The following GBF1 variants were observed in gnomAD, a reference collection of about 807,000 sequenced individuals.
GBF1 encodes golgi brefeldin A resistant guanine nucleotide exchange factor 1.
Under a neutral mutation model 210.5 loss-of-function variants are expected in GBF1, and 114 were observed. The observed-to-expected ratio is 0.54, with a 90% CI of 0.47 to 0.63. The LOEUF (loss-of-function observed/expected upper bound fraction) is 0.63, where lower values mean the gene tolerates loss of function less well. Among genes scored for constraint, GBF1 ranks in the 30% least tolerant of loss-of-function variants. The pLI is 0.00. For synonymous variants in GBF1, 850 were observed against 889.2 expected (o/e 0.96, Z 0.78); for missense variants, 1,851 against 2,357.7 (o/e 0.79, Z 4.45).
intron 3 of GBF1, among the ~76,000 whole-genome samples, chr10:102,305,438 C>T (rs1296539076): frequency 6.6e-6 from 1 of 151,878 alleles, no homozygotes; most frequent in East Asian, 1.9e-4. Flanking sequence ...CCTAGTGAAA[C>T]CCCATAGTGA....
rs769249418 is a variant in GBF1 at position 102,360,142 on chromosome 10, G to C, written c.1181-42G>C. The C allele has an allele frequency of 5.5e-6, 7 of 1,270,136 alleles. No homozygotes were observed. The South Asian group carries it at 7.1e-5, about 13-fold the overall frequency. The allele number at this position is 1,270,136 out of a possible 1,614,324, so 78.7% of individuals were successfully genotyped here. A position where few individuals can be genotyped will look rare whatever the true frequency, so the allele number is the denominator to read the frequency against. ...CAGGCTAGGCAAAGCCAGCAGACTA[G>C]TTGTTTTATAGCAGTCTCACTCTCC... On this transcript the variant is annotated intron_variant, in intron 11 of 39. Coordinates refer to ENST00000369983, the MANE Select transcript of GBF1 (RefSeq NM_001377137.1).
chr10:102,273,447 G>T (rs1343625570), intron 3 of GBF1, among the ~76,000 whole-genome samples: 1 of 152,208 alleles, frequency 6.6e-6, no homozygotes, highest in Non-Finnish European at 1.5e-5. Context: ...TATTTTCTGG[G>T]TTGTAGCGTA....
At chr10:102,335,200 A>G (rs192048715) in intron 3 of GBF1, among the ~76,000 whole-genome samples, 394 of 152,300 alleles carry the variant, frequency 2.6e-3, no homozygotes, top group Non-Finnish European at 4.3e-3. Context: ...GTTTTCTCCA[A>G]TGGGGGGTTA....
At chr10:102,269,222 C>G (rs1461318457) in intron 3 of GBF1, among the ~76,000 whole-genome samples, 1 of 152,222 alleles carries the variant, frequency 6.6e-6, no homozygotes, top group Non-Finnish European at 1.5e-5. Context: ...TTTCCTTGTT[C>G]CACGCTTATT....
At chr10:102,272,589 T>A (rs2074548702) in intron 3 of GBF1, among the ~76,000 whole-genome samples, 2 of 152,252 alleles carry the variant, frequency 1.3e-5, no homozygotes, top group Admixed American at 6.5e-5. Flanking sequence ...TGATTAATAT[T>A]TGACTGAATC....
At chr10:102,281,958 G>A (rs1404362824) in intron 3 of GBF1, among the ~76,000 whole-genome samples, 41 of 140,404 alleles carry the variant, frequency 2.9e-4, no homozygotes, top group African/African-American at 9.3e-4. Context: ...ACAGAGTCTC[G>A]CTCTGTCGCC....
chr10:102,281,957 C>T (rs1426664637), intron 3 of GBF1, among the ~76,000 whole-genome samples: 1 of 145,570 alleles, frequency 6.9e-6, no homozygotes, highest in Admixed American at 6.9e-5. Context: ...GACAGAGTCT[C>T]GCTCTGTCGC....
chr10:102,375,817 C>G (rs1389463752), intron 30 of GBF1, among the ~76,000 whole-genome samples: 1 of 151,964 alleles, frequency 6.6e-6, no homozygotes, highest in Non-Finnish European at 1.5e-5. Context: ...GTCCTGAGGA[C>G]TGATTTGTCC....
intron 3 of GBF1, among the ~76,000 whole-genome samples, chr10:102,329,740 G>C (rs917082216): frequency 9.2e-5 from 14 of 152,280 alleles, no homozygotes; most frequent in African/African-American, 3.1e-4. Flanking sequence ...TGGGATTACA[G>C]GTGTGAGCCA....
chr10:102,359,012 A>G (rs1487847026), intron 10 of GBF1: 3 of 587,706 alleles, frequency 5.1e-6, no homozygotes, highest in South Asian at 2.1e-5. Context: ...TAATGATCCA[A>G]ATCCTAAGCC....
In GBF1 at chr10:102,259,035, G is replaced by T; in HGVS notation, c.96+1G>T. On this transcript the variant is annotated splice_donor_variant, in intron 2 of 39. Coordinates refer to ENST00000369983, the MANE Select transcript of GBF1 (RefSeq NM_001377137.1). LOFTEE classifies it high-confidence loss of function. ...CCGATGGAGCACCCATACACCACTG[G>T]TAAGTGGGAAATGGATAAATAGCCT... is the stretch of plus-strand genomic sequence containing the variant. The T allele has an allele frequency of 1.3e-6, 2 of 1,491,788 alleles. No individual in the cohort carries two copies. Among genetic ancestry groups the T allele is most frequent in the Non-Finnish European group, 1.9e-6 (2 of 1,068,540 alleles). The allele number at this position is 1,491,788 out of a possible 1,614,324, so 92.4% of individuals were successfully genotyped here.
intron 17 of GBF1, 41 bp from the exon 18 acceptor site, chr10:102,365,345 TGTCTAATTTAG>T: frequency 7.0e-7 from 1 of 1,431,298 alleles, no homozygotes; most frequent in Non-Finnish European, 9.8e-7. Flanking sequence ...AGGCTGGCCT[TGTCTAATTTAG>T]AGGCAAAGTA....
intron 33 of GBF1, 101 bp downstream of exon 33, chr10:102,377,241 G>T: frequency 2.4e-6 from 2 of 828,646 alleles, no homozygotes; most frequent in Non-Finnish European, 3.9e-6. Context: ...GCCCATGTGT[G>T]CCAGCCCAGG....
At chr10:102,285,986 T>C (rs1010843856) in intron 3 of GBF1, among the ~76,000 whole-genome samples, 2 of 152,136 alleles carry the variant, frequency 1.3e-5, no homozygotes, top group African/African-American at 4.8e-5. Context: ...AAAAAAAGGT[T>C]GAACCTGTTT....
At position 102,363,245 on chromosome 10, in the gene GBF1, T is replaced by C. The variant is rs1038232703; in HGVS notation, c.1877-11T>C. 1.2e-6 allele frequency: 2 copies of C among 1,608,168 alleles called. No homozygotes were observed. The highest frequency in any genetic ancestry group is 3.4e-5 in the Admixed American group (2 of 59,538). On this transcript the variant is annotated splice_polypyrimidine_tract_variant and intron_variant, in intron 15 of 39. Transcript: ENST00000369983. This position sits in a 1 kb window ranked among gnomAD's most constrained non-coding sequence, Gnocchi z 4.2. ...CTATAAGTCTTCACGTATCTTCTTC[T>C]CTCTTACCAGCTGAGAGAACTGCCA...
At chr10:102,359,659 A>C (rs1442221845) in intron 11 of GBF1, among the ~76,000 whole-genome samples, 1 of 152,126 alleles carries the variant, frequency 6.6e-6, no homozygotes, top group Non-Finnish European at 1.5e-5. Context: ...AATAGGAAGC[A>C]AGAAGGAAGG....
At chr10:102,359,527 C>T (rs1462432089) in intron 11 of GBF1, 92 bp downstream of exon 11, 2 of 879,608 alleles carry the variant, frequency 2.3e-6, no homozygotes, top group African/African-American at 1.7e-5. Context: ...AGATATTGGA[C>T]TACTGCCTGT....
chr10:102,372,599 G>C (rs2060272915), intron 29 of GBF1, among the ~76,000 whole-genome samples: 1 of 152,194 alleles, frequency 6.6e-6, no homozygotes, highest in South Asian at 2.1e-4. Flanking sequence ...AAAGAATAGA[G>C]AGACCAGAAA....
intron 1 of GBF1, among the ~76,000 whole-genome samples, chr10:102,257,300 GTTTATA>G (rs1048102848): frequency 5.3e-5 from 8 of 151,996 alleles, no homozygotes; most frequent in East Asian, 1.9e-4. Flanking sequence ...GCAGTCATTT[GTTTATA>G]TTTATATTTA....
Sources: gnomAD v4.1 joint callset for allele counts (sites outside exome capture counted in the v4.1 genomes callset) on GRCh38, gnomAD v4.1.1 for gene constraint, Gnocchi (gnomAD v3.1) non-coding constraint, MANE v1.5 for transcripts, NCBI Gene and HGNC (gene_info 2026-07-23, HGNC 2026-07-21) for gene names.